SPOPL: variants seen among roughly 807,000 people sequenced by gnomAD.
SPOPL encodes the protein speckle-type POZ protein-like.
A neutral mutation model predicts 53.8 loss-of-function variants in SPOPL; 23 were observed. That is an observed-to-expected ratio of 0.43 (90% CI 0.31 to 0.61). The LOEUF is 0.61. Among genes scored for constraint, SPOPL ranks in the 20% least tolerant of loss-of-function variants. The pLI, the probability that SPOPL is intolerant of heterozygous loss-of-function variation, is 0.12. For missense variants in SPOPL, 442 were observed against 466.9 expected, an observed-to-expected ratio of 0.95 and a Z score of 0.49; for synonymous variants, 164 against 149.7, an observed-to-expected ratio of 1.10 and a Z score of -0.70.
At chr2:138,508,197 A>G (rs564745232) in intron 1 of SPOPL, among the ~76,000 whole-genome samples, 58 of 152,328 alleles carry the variant, frequency 3.8e-4, no homozygotes, top group Admixed American at 1.5e-3. Flanking sequence ...GTAGAATACA[A>G]TTTATCTATA....
In SPOPL at chr2:138,520,585, A is replaced by T. The variant is rs73959458; in HGVS notation, c.-61+18466A>T. Among the ~76,000 whole-genome samples the T allele has an allele frequency of 8.3e-3, 1,258 of 152,338 alleles. 16 individuals are homozygous for T. Among genetic ancestry groups the T allele is most frequent in the African/African-American group, 0.028 (1,170 of 41,572 alleles). On this transcript the variant is annotated intron_variant, in intron 1 of 10. Coordinates refer to ENST00000280098, the MANE Select transcript of SPOPL (RefSeq NM_001001664.3). ...GGACCTCTGAGAGCTAGTTCAAATT[A>T]TGAGGTTAGAGGCTGTCTTTGTGTT... is the stretch of plus-strand genomic sequence containing the variant.
intron 1 of SPOPL, among the ~76,000 whole-genome samples, chr2:138,535,524 C>CT (rs1196839811): frequency 3.2e-3 from 365 of 114,672 alleles, no homozygotes; most frequent in African/African-American, 6.4e-3. Flanking sequence ...TTCCCCACTC[C>CT]TTTTTTTTTT....
chr2:138,518,660 G>A (rs570484853), intron 1 of SPOPL, among the ~76,000 whole-genome samples: 1 of 152,236 alleles, frequency 6.6e-6, no homozygotes, highest in Admixed American at 6.5e-5. Flanking sequence ...ATTCCTAACG[G>A]ACATGTTAGA....
chr2:138,552,702 A>G, intron 5 of SPOPL, 21 bp downstream of exon 5: 1 of 1,603,930 alleles, frequency 6.2e-7, no homozygotes, highest in East Asian at 2.2e-5. Context: ...CTTTTATTCT[A>G]AGAACCCCAT....
rs189590238 is a variant in SPOPL, at chr2:138,508,248, A to G, written c.-61+6129A>G. On this transcript the variant is annotated intron_variant, in intron 1 of 10. Coordinates refer to ENST00000280098, the MANE Select transcript of SPOPL (RefSeq NM_001001664.3). The stretch of plus-strand genomic sequence containing the variant: ...TTTGAAGAATACTGTAGTTGGCAAA[A>G]CCTTAATTGGCAAGGGCAGGGTCTC... 8.4e-4 allele frequency among the ~76,000 whole-genome samples: 128 copies of G among 152,322 alleles called. 1 individual carries two copies. The highest frequency in any genetic ancestry group is 2.6e-3 in the African/African-American group (106 of 41,562).
chr2:138,533,916 G>A (rs1684871922), intron 1 of SPOPL, among the ~76,000 whole-genome samples: 1 of 152,098 alleles, frequency 6.6e-6, no homozygotes, highest in African/African-American at 2.4e-5. Flanking sequence ...TGAGCTGATT[G>A]CAGATGACAA....
intron 1 of SPOPL, among the ~76,000 whole-genome samples, chr2:138,509,254 T>TGAAA (rs760269083): frequency 2.6e-5 from 4 of 152,132 alleles, no homozygotes; most frequent in Non-Finnish European, 5.9e-5. Context: ...CACACTTCTT[T>TGAAA]GGAGTTGGTG....
intron 1 of SPOPL, among the ~76,000 whole-genome samples, chr2:138,526,404 A>T (rs933184494): frequency 6.6e-6 from 1 of 152,162 alleles, no homozygotes; most frequent in South Asian, 2.1e-4. Flanking sequence ...TTAAAATGAG[A>T]CATTCGTGTA....
intron 1 of SPOPL, among the ~76,000 whole-genome samples, chr2:138,505,931 A>G (rs912550689): frequency 1.5e-4 from 23 of 152,186 alleles, no homozygotes; most frequent in Non-Finnish European, 2.4e-4. Flanking sequence ...GATGTTGGCA[A>G]TTTCAACTTT....
Position 138,550,488 on chromosome 2 carries a change from A to G in SPOPL, c.84A>G (p.Lys28=). 5 of 1,606,814 alleles carry G rather than the reference A, an allele frequency of 3.1e-6. No homozygotes were observed. The highest frequency in any genetic ancestry group is 4.3e-6 in the Non-Finnish European group (5 of 1,175,524). ...TGGTTTTCTGAATCTCTTAGGTTAA[A>G]GTAGTAAAATTTTCCTATATGTGGA... The part of the protein sequence containing the change: ...IAESWCYTQV[K]VVKFSYMWTI... The change falls in exon 3 of 11, where the codon AAA becomes AAG. Residue 28 remains lysine (K), a synonymous_variant. Transcript: ENST00000280098.
intron 1 of SPOPL, among the ~76,000 whole-genome samples, chr2:138,532,277 T>A (rs1320835941): frequency 6.6e-6 from 1 of 152,166 alleles, no homozygotes; most frequent in Admixed American, 6.6e-5. Flanking sequence ...GAATCTTTGC[T>A]GATAGTTTCA....
At chr2:138,544,994 G>A (rs1045132003) in intron 1 of SPOPL, among the ~76,000 whole-genome samples, 15 of 152,110 alleles carry the variant, frequency 9.9e-5, no homozygotes, top group African/African-American at 2.2e-4. Context: ...TCCTTCCCAC[G>A]GTTTTTTGCC....
intron 1 of SPOPL, among the ~76,000 whole-genome samples, chr2:138,506,214 T>C (rs1684213080): frequency 1.3e-5 from 2 of 152,232 alleles, no homozygotes; most frequent in Non-Finnish European, 1.5e-5. Flanking sequence ...CTTCTCAAAC[T>C]TGTCTGTGTT....
At chr2:138,539,973 G>A (rs751271776) in intron 1 of SPOPL, among the ~76,000 whole-genome samples, 8 of 152,150 alleles carry the variant, frequency 5.3e-5, no homozygotes, top group Non-Finnish European at 1.0e-4. Flanking sequence ...TGGCTAGCCA[G>A]TTTTCCCAGC....
At chr2:138,503,534 C>G (rs564470778) in intron 1 of SPOPL, among the ~76,000 whole-genome samples, 4 of 152,246 alleles carry the variant, frequency 2.6e-5, no homozygotes, top group Admixed American at 1.3e-4. Context: ...CATTTAACAA[C>G]CTTTTTTGAT....
intron 1 of SPOPL, among the ~76,000 whole-genome samples, chr2:138,523,433 C>G (rs987458881): frequency 1.3e-5 from 2 of 151,952 alleles, no homozygotes; most frequent in South Asian, 2.1e-4. Flanking sequence ...GCCCCTGGCC[C>G]CTCTCAAATC....
At chr2:138,521,959 T>G (rs1289093646) in intron 1 of SPOPL, among the ~76,000 whole-genome samples, 8 of 152,312 alleles carry the variant, frequency 5.3e-5, no homozygotes, top group Admixed American at 5.2e-4. Flanking sequence ...TTAGCGGTAT[T>G]GACAGCTTCC....
At chr2:138,545,987 T>C (rs1685186841) in intron 1 of SPOPL, among the ~76,000 whole-genome samples, 1 of 152,214 alleles carries the variant, frequency 6.6e-6, no homozygotes, top group South Asian at 2.1e-4. Flanking sequence ...TACAGGTTAC[T>C]TCTGGTAAAG....
Position 138,550,906 on chromosome 2 carries a change from C to G in SPOPL, c.204C>G (p.Cys68Trp). The part of the protein sequence containing the change: ...SSGPSDKMKW[C>W]LRVNPKGLDD... ...TGAGCTTATTGTTTTATTTTAGGTG[C>G]CTGAGGGTAAACCCAAAGGGATTAG... Residue 68 changes from cysteine (C) to tryptophan (W), a missense_variant, in exon 4 of 11, where the codon TGC (cysteine) becomes TGG (tryptophan). Transcript: ENST00000280098. 2 of 1,603,370 alleles carry G rather than the reference C, an allele frequency of 1.2e-6. No individual in the cohort carries two copies. Among genetic ancestry groups the G allele is most frequent in the Non-Finnish European group, 8.5e-7 (1 of 1,175,576 alleles).
Sources: gnomAD v4.1 joint callset for allele counts (sites outside exome capture counted in the v4.1 genomes callset) on GRCh38, gnomAD v4.1.1 for gene constraint, MANE v1.5 for transcripts, NCBI Gene and HGNC (gene_info 2026-07-23, HGNC 2026-07-21) for gene names.